Variants in ATP8A2 observed in about 807,000 individuals in gnomAD.
ATP8A2 encodes ATPase phospholipid transporting 8A2, also known as phospholipid-transporting ATPase IB.
ATP8A2 carries 100 observed loss-of-function variants against 165.6 expected under a neutral mutation model. That is an observed-to-expected ratio of 0.60 (90% CI 0.51 to 0.71). ATP8A2 has a LOEUF of 0.71. Ranked by LOEUF, ATP8A2 falls within the 30% of genes least tolerant of loss-of-function variation. The pLI, the probability that ATP8A2 is intolerant of heterozygous loss-of-function variation, is 0.00. For synonymous variants in ATP8A2, 543 were observed against 548.8 expected (o/e 0.99, Z 0.15); for missense variants, 1,227 against 1,479.5 (o/e 0.83, Z 2.80).
intron 27 of ATP8A2, among the ~76,000 whole-genome samples, chr13:25,800,611 A>G (rs1950602556): frequency 6.6e-6 from 1 of 152,164 alleles, no homozygotes; most frequent in Non-Finnish European, 1.5e-5. Context: ...ATTCATCCAT[A>G]GGAAGGAGAT....
intron 2 of ATP8A2, among the ~76,000 whole-genome samples, chr13:25,511,385 G>T (rs1371620808): frequency 6.6e-6 from 1 of 152,146 alleles, no homozygotes; most frequent in African/African-American, 2.4e-5. Context: ...TAAACTGGCT[G>T]CCCTGTAGAT....
intron 27 of ATP8A2, among the ~76,000 whole-genome samples, chr13:25,803,525 T>G (rs217904): frequency 0.18 from 27,477 of 152,212 alleles, 2,619 homozygotes; most frequent in Admixed American, 0.23. Flanking sequence ...GATATAAACT[T>G]TATTTACCTC....
chr13:25,868,956 C>T (rs1297173688), intron 33 of ATP8A2, among the ~76,000 whole-genome samples: 1 of 151,248 alleles, frequency 6.6e-6, no homozygotes, highest in Admixed American at 6.6e-5. Context: ...GTAGTCCCAG[C>T]TACTCGGAAG....
At chr13:25,602,357 A>G (rs574922812) in intron 24 of ATP8A2, among the ~76,000 whole-genome samples, 2 of 152,192 alleles carry the variant, frequency 1.3e-5, no homozygotes, top group East Asian at 3.9e-4. Flanking sequence ...GGTAAAGGAA[A>G]TGCTCTCTAA....
chr13:25,465,755 C>CTCTCTT lies in ATP8A2; in HGVS notation c.77-3217_77-3216insTTCTCT, dbSNP rs1555274967. Among the ~76,000 whole-genome samples the CTCTCTT allele has an allele frequency of 7.1e-3, 84 of 11,796 alleles. 2 individuals are homozygous for CTCTCTT. The highest frequency in any genetic ancestry group is 0.013 in the African/African-American group (81 of 6,012). 7.7% of individuals were successfully genotyped at this position (11,796 alleles called of 152,430 possible). On this transcript the variant is annotated intron_variant, in intron 1 of 36. Transcript: ENST00000381655. The stretch of plus-strand genomic sequence containing the variant: ...TCTTTCTTTCCCTCCCTCCCTCTCT[C>CTCTCTT]TCTCTCTTTCTCTCTTTCTCTCTTT...
intron 2 of ATP8A2, among the ~76,000 whole-genome samples, chr13:25,473,056 A>G (rs7984093): frequency 0.31 from 47,421 of 151,980 alleles, 8,364 homozygotes; most frequent in African/African-American, 0.49. Flanking sequence ...TGGTGGGTCT[A>G]GGGAAATGCC....
At chr13:25,968,255 G>A (rs1007673580) in intron 34 of ATP8A2, among the ~76,000 whole-genome samples, 3 of 152,200 alleles carry the variant, frequency 2.0e-5, no homozygotes, top group African/African-American at 7.2e-5. Flanking sequence ...AAGAAATGCT[G>A]TAGAGGTAGA....
intron 35 of ATP8A2, among the ~76,000 whole-genome samples, chr13:25,989,398 A>G (rs1158885484): frequency 6.6e-6 from 1 of 152,238 alleles, no homozygotes; most frequent in Non-Finnish European, 1.5e-5. Context: ...AAATCTTCCT[A>G]AGCTCCAATT....
chr13:25,448,954 C>G (rs955832558), intron 1 of ATP8A2, among the ~76,000 whole-genome samples: 1 of 152,142 alleles, frequency 6.6e-6, no homozygotes, highest in African/African-American at 2.4e-5. Context: ...CGTGAGCCAC[C>G]GTGCCCAGCC....
At chr13:25,778,258 A>T (rs765216087) in intron 27 of ATP8A2, among the ~76,000 whole-genome samples, 2 of 152,202 alleles carry the variant, frequency 1.3e-5, no homozygotes, top group African/African-American at 2.4e-5. Flanking sequence ...CATTTTTACC[A>T]CAGTTCCTTG....
chr13:25,630,093 C>T (rs2041204348), intron 24 of ATP8A2, among the ~76,000 whole-genome samples: 1 of 152,112 alleles, frequency 6.6e-6, no homozygotes, highest in Non-Finnish European at 1.5e-5. Flanking sequence ...CCCCCACCAC[C>T]AAACAGGGAA....
At chr13:25,475,845 C>T (rs1221983916) in intron 2 of ATP8A2, among the ~76,000 whole-genome samples, 3 of 152,084 alleles carry the variant, frequency 2.0e-5, no homozygotes, top group Non-Finnish European at 2.9e-5. Flanking sequence ...TATCTTTTGT[C>T]CACTTTTTAA....
intron 33 of ATP8A2, among the ~76,000 whole-genome samples, chr13:25,867,593 T>C (rs1952544728): frequency 6.6e-6 from 1 of 152,094 alleles, no homozygotes; most frequent in South Asian, 2.1e-4. Flanking sequence ...TTCCTAAGGG[T>C]GCCTAGTGTG....
At chr13:25,572,134 TC>T (rs2039484497) in intron 18 of ATP8A2, among the ~76,000 whole-genome samples, 1 of 151,982 alleles carries the variant, frequency 6.6e-6, no homozygotes, top group African/African-American at 2.4e-5. Context: ...TCTCTCTCTC[TC>T]TCTCTCTCTC....
rs17585424 is a variant in ATP8A2, at chr13:25,763,028, G to T, written c.2385-6018G>T. Among the ~76,000 whole-genome samples the T allele has an allele frequency of 4.6e-3, 693 of 152,228 alleles. 2 individuals are homozygous for T. The highest frequency in any genetic ancestry group is 7.8e-3 in the Admixed American group (120 of 15,298). On this transcript the variant is annotated intron_variant, in intron 25 of 36. Coordinates refer to ENST00000381655, the MANE Select transcript of ATP8A2 (RefSeq NM_016529.6). The stretch of plus-strand genomic sequence containing the variant: ...TGGTTTTGAAATGTCTAAGGATTCC[G>T]AGAAATGCTTCCATGGGAGGGGCTC...
intron 2 of ATP8A2, among the ~76,000 whole-genome samples, chr13:25,506,567 G>A (rs2037043744): frequency 6.6e-6 from 1 of 152,196 alleles, no homozygotes; most frequent in Non-Finnish European, 1.5e-5. Flanking sequence ...ATGAGATAGA[G>A]TTCTGGCCAA....
chr13:25,766,682 C>G (rs1271346116), intron 25 of ATP8A2, among the ~76,000 whole-genome samples: 1 of 152,178 alleles, frequency 6.6e-6, no homozygotes, highest in Non-Finnish European at 1.5e-5. Flanking sequence ...TGCACTGTTA[C>G]CTGAGAGACA....
chr13:25,506,195 G>A (rs1033177336), intron 2 of ATP8A2, among the ~76,000 whole-genome samples: 1 of 152,210 alleles, frequency 6.6e-6, no homozygotes, highest in African/African-American at 2.4e-5. Flanking sequence ...CCTGCTGAAA[G>A]TTGTTGATTT....
chr13:25,843,754 A>C (rs1294021693), intron 30 of ATP8A2, among the ~76,000 whole-genome samples: 2 of 152,218 alleles, frequency 1.3e-5, no homozygotes, highest in Non-Finnish European at 2.9e-5. Context: ...ATCCTTCTGG[A>C]AGTATCAATC....
Sources: gnomAD v4.1 joint callset for allele counts (sites outside exome capture counted in the v4.1 genomes callset) on GRCh38, gnomAD v4.1.1 for gene constraint, MANE v1.5 for transcripts, NCBI Gene and HGNC (gene_info 2026-07-23, HGNC 2026-07-21) for gene names.